PRDM16: variants seen among roughly 807,000 people sequenced by gnomAD.
PRDM16 encodes PR/SET domain 16.
A neutral mutation model predicts 110.6 loss-of-function variants in PRDM16; 23 were observed. That is an observed-to-expected ratio of 0.21 (90% confidence interval 0.15 to 0.29). The LOEUF (loss-of-function observed/expected upper bound fraction) is 0.29. Among genes scored for constraint, PRDM16 ranks in the 10% least tolerant of loss-of-function variants. The probability of loss-of-function intolerance (pLI) is 1.00; values close to 1 mark genes in which losing one functional copy is unlikely to be tolerated. For synonymous variants in PRDM16, 799 were observed against 781.8 expected, an observed-to-expected ratio of 1.02 and a Z score of -0.37; for missense variants, 1,615 against 1,794.3, an observed-to-expected ratio of 0.90 and a Z score of 1.81.
At chr1:3,145,886 G>A (rs1643639014) in intron 1 of PRDM16, among the ~76,000 whole-genome samples, 2 of 152,208 alleles carry the variant, frequency 1.3e-5, no homozygotes, top group Non-Finnish European at 2.9e-5. Flanking sequence ...CAGGTGGGCA[G>A]CCCGGTCAGC....
intron 3 of PRDM16, among the ~76,000 whole-genome samples, chr1:3,303,719 G>A (rs1641254452): frequency 6.6e-6 from 1 of 152,162 alleles, no homozygotes. Context: ...CCTTGCAGAC[G>A]CCCGCCTGTC....
chr1:3,333,568 C>G (rs1445720669), intron 3 of PRDM16, among the ~76,000 whole-genome samples: 1 of 152,198 alleles, frequency 6.6e-6, no homozygotes, highest in Non-Finnish European at 1.5e-5. Context: ...ACAGACGTCT[C>G]TCCTCCAAAA....
intron 1 of PRDM16, among the ~76,000 whole-genome samples, chr1:3,075,421 G>A (rs1025043742): frequency 3.9e-5 from 6 of 152,228 alleles, no homozygotes; most frequent in African/African-American, 1.2e-4. Context: ...GGACAAATGC[G>A]ATTGGTGTGT....
chr1:3,129,184 G>GTT (rs1421531021), intron 1 of PRDM16, among the ~76,000 whole-genome samples: 1 of 148,752 alleles, frequency 6.7e-6, no homozygotes, highest in Non-Finnish European at 1.5e-5. Flanking sequence ...CCTGCCTAGT[G>GTT]TGTGGGTGTG....
chr1:3,241,079 G>A (rs1361662367), intron 2 of PRDM16, among the ~76,000 whole-genome samples: 8 of 152,228 alleles, frequency 5.3e-5, no homozygotes, highest in African/African-American at 1.9e-4. Context: ...GGCTGGGGGA[G>A]CCGGGGAGCG....
intron 1 of PRDM16, among the ~76,000 whole-genome samples, chr1:3,114,254 G>T (rs1348253051): frequency 8.5e-6 from 1 of 117,340 alleles, no homozygotes; most frequent in Non-Finnish European, 1.7e-5. Flanking sequence ...ACATGCACAC[G>T]CACGCGCACA....
chr1:3,425,088 T>TTA lies in PRDM16; in HGVS notation c.2940-492_2940-491insAT, dbSNP rs1638557159. ...AACGCCTGCTTGCTTTTTTTTTTTT[T>TTA]TTTTTTTGAGATGGAGTCTCGCTCT... On this transcript the variant is annotated intron_variant, in intron 12 of 16. Coordinates refer to ENST00000270722, the MANE Select transcript of PRDM16 (RefSeq NM_022114.4). This position sits in a 1 kb window ranked among gnomAD's most constrained non-coding sequence, Gnocchi z 6.9. The TTA allele has an allele frequency of 6.6e-6, 1 of 152,180 alleles. No individual in the cohort carries two copies. The highest frequency in any genetic ancestry group is 2.5e-5 in the African/African-American group (1 of 40,520). 9.4% of individuals were successfully genotyped at this position (152,180 alleles called of 1,614,324 possible).
In PRDM16 at chr1:3,411,485, C is replaced by T; in HGVS notation, c.1288C>T (p.Gln430Ter). ...RTQIKCKDCG[Q>*]MFSTTSSLNK... ...GCAGATCAAGTGCAAGGACTGTGGC[C>T]AGATGTTCAGCACTACCTCCTCCCT... The change falls in exon 9 of 17, where the codon CAG becomes TAG. Residue 430 changes from glutamine to a stop codon, truncating the protein, a stop_gained. Coordinates refer to ENST00000270722, the MANE Select transcript of PRDM16 (RefSeq NM_022114.4). LOFTEE classifies it high-confidence loss of function. The T allele has an allele frequency of 6.2e-7, 1 of 1,614,206 alleles. No individual in the cohort carries two copies. Among genetic ancestry groups the T allele is most frequent in the Non-Finnish European group, 8.5e-7 (1 of 1,180,038 alleles).
chr1:3,104,680 G>A (rs1642609924), intron 1 of PRDM16, among the ~76,000 whole-genome samples: 1 of 136,984 alleles, frequency 7.3e-6, no homozygotes, highest in Admixed American at 7.4e-5. Flanking sequence ...TTGTCACCCT[G>A]GCAGGCCCCT....
chr1:3,182,072 TG>T (rs1644216849), intron 1 of PRDM16, among the ~76,000 whole-genome samples: 1 of 152,238 alleles, frequency 6.6e-6, no homozygotes, highest in African/African-American at 2.4e-5. Context: ...ACACGCACTC[TG>T]GGGGCCGCCC....
At chr1:3,082,775 C>T (rs1034929414) in intron 1 of PRDM16, among the ~76,000 whole-genome samples, 4 of 152,208 alleles carry the variant, frequency 2.6e-5, no homozygotes, top group Admixed American at 1.3e-4. Context: ...CAGCTTTGCC[C>T]GCTTTGTGCG....
At chr1:3,336,399 CAT>C (rs1322250552) in intron 3 of PRDM16, among the ~76,000 whole-genome samples, 2 of 151,920 alleles carry the variant, frequency 1.3e-5, no homozygotes, top group Non-Finnish European at 2.9e-5. Context: ...AATGCATGCA[CAT>C]GTGTGTTGGT....
At chr1:3,356,837 T>C (rs2100550115) in intron 3 of PRDM16, among the ~76,000 whole-genome samples, 1 of 152,272 alleles carries the variant, frequency 6.6e-6, no homozygotes, top group South Asian at 2.1e-4. Flanking sequence ...TCTCCAGCTC[T>C]GGGATCGATA....
At chr1:3,343,824 G>A (rs1642315373) in intron 3 of PRDM16, among the ~76,000 whole-genome samples, 2 of 152,072 alleles carry the variant, frequency 1.3e-5, no homozygotes, top group South Asian at 4.2e-4. Flanking sequence ...TGTATTTTTA[G>A]TAGAGACAGG....
At chr1:3,374,219 A>T (rs1642955561) in intron 3 of PRDM16, among the ~76,000 whole-genome samples, 1 of 152,110 alleles carries the variant, frequency 6.6e-6, no homozygotes. Flanking sequence ...GCACATCCTC[A>T]TCAACACAAG....
In PRDM16 at chr1:3,116,014, C is replaced by T. The variant is rs1028656616; in HGVS notation, c.37+46718C>T. ...CGGCCCCTCCCAGCGTCTGCAGCTC[C>T]CCAGGGGGCGGGGCTCGATGGCAGG... On this transcript the variant is annotated intron_variant, in intron 1 of 16. Transcript: ENST00000270722. Among the ~76,000 whole-genome samples the T allele has an allele frequency of 5.9e-5, 9 of 151,952 alleles. No homozygotes were observed. The East Asian group carries it at 1.8e-3, about 30-fold the overall frequency.
At chr1:3,139,413 T>C (rs1051596092) in intron 1 of PRDM16, among the ~76,000 whole-genome samples, 4 of 152,242 alleles carry the variant, frequency 2.6e-5, no homozygotes, top group African/African-American at 2.4e-5. Context: ...TGGCCCCAGA[T>C]TGATAGCAGG....
intron 3 of PRDM16, among the ~76,000 whole-genome samples, chr1:3,313,250 C>T (rs533653332): frequency 2.6e-5 from 4 of 152,350 alleles, no homozygotes; most frequent in South Asian, 2.1e-4. Flanking sequence ...GGAATGTGAC[C>T]GCGCTGTCTA....
At chr1:3,286,130 C>T (rs1640838318) in intron 3 of PRDM16, among the ~76,000 whole-genome samples, 1 of 152,184 alleles carries the variant, frequency 6.6e-6, no homozygotes, top group Non-Finnish European at 1.5e-5. Context: ...CTCTCCTCCT[C>T]CAGCTCCCTC....
Sources: allele counts gnomAD v4.1 joint callset (sites outside exome capture counted in the v4.1 genomes callset), GRCh38; gene constraint gnomAD v4.1.1; non-coding constraint Gnocchi (gnomAD v3.1); transcripts MANE v1.5; gene names NCBI Gene and HGNC (gene_info 2026-07-23, HGNC 2026-07-21).